GRID2: variants seen among roughly 807,000 people sequenced by gnomAD.
The protein encoded by GRID2 is glutamate receptor ionotropic, delta-2.
In GRID2, 33 loss-of-function variants were observed where a neutral mutation model predicts 114.8. That is an observed-to-expected ratio of 0.29 (90% CI 0.22 to 0.38). GRID2 has a LOEUF of 0.38. Among genes scored for constraint, GRID2 ranks in the 10% least tolerant of loss-of-function variants. The pLI is 1.00. For synonymous variants in GRID2, 505 were observed against 449.9 expected, an observed-to-expected ratio of 1.12 and a Z score of -1.55; for missense variants, 1,184 against 1,257.7, an observed-to-expected ratio of 0.94 and a Z score of 0.89.
chr4:92,943,766 G>C (rs1578554790), intron 2 of GRID2, among the ~76,000 whole-genome samples: 1 of 152,132 alleles, frequency 6.6e-6, no homozygotes, highest in African/African-American at 2.4e-5. Context: ...TGGTGTGGAT[G>C]TCATTTTTGT....
chr4:92,458,958 G>A (rs1339115712), intron 1 of GRID2, among the ~76,000 whole-genome samples: 1 of 152,158 alleles, frequency 6.6e-6, no homozygotes, highest in African/African-American at 2.4e-5. Flanking sequence ...GGAGATGAAT[G>A]CAAGTTGGTT....
chr4:92,856,092 G>T (rs537009704), intron 2 of GRID2, among the ~76,000 whole-genome samples: 2 of 151,944 alleles, frequency 1.3e-5, no homozygotes, highest in Non-Finnish European at 2.9e-5. Flanking sequence ...ATCCTTAATT[G>T]GTTATCTGTA....
rs1311388610 is a variant in GRID2 at position 92,946,531 on chromosome 4, T to C, written c.245-138464T>C. On this transcript the variant is annotated intron_variant, in intron 2 of 15. Transcript: ENST00000282020. ...TATTAATAACTTTTATTTAAGTTGT[T>C]TGTTTTAAACCTGTTCCATTAAAAA... is the stretch of plus-strand genomic sequence containing the variant. 2.6e-5 allele frequency among the ~76,000 whole-genome samples: 4 copies of C among 152,124 alleles called. No individual in the cohort carries two copies. In the East Asian group the frequency reaches 7.7e-4, roughly 29 times the overall value.
chr4:93,761,807 C>T (rs1291245347), intron 14 of GRID2, among the ~76,000 whole-genome samples: 1 of 152,096 alleles, frequency 6.6e-6, no homozygotes, highest in Non-Finnish European at 1.5e-5. Flanking sequence ...ATTTGTTGCA[C>T]TTAATGTTAC....
chr4:92,547,273 A>T (rs547980054), intron 1 of GRID2, among the ~76,000 whole-genome samples: 6 of 152,334 alleles, frequency 3.9e-5, no homozygotes, highest in African/African-American at 1.4e-4. Context: ...TCAGAATAAT[A>T]GAATTAGCTT....
intron 13 of GRID2, among the ~76,000 whole-genome samples, chr4:93,535,965 C>T (rs971414056): frequency 6.6e-6 from 1 of 151,732 alleles, no homozygotes; most frequent in Admixed American, 6.6e-5. Context: ...CCAAAAATAT[C>T]TTAACATAAA....
chr4:93,614,178 G>A (rs929243920), intron 13 of GRID2, among the ~76,000 whole-genome samples: 1 of 152,178 alleles, frequency 6.6e-6, no homozygotes, highest in Non-Finnish European at 1.5e-5. Flanking sequence ...GCTCGCGCAC[G>A]GTGCGTGCAC....
intron 3 of GRID2, among the ~76,000 whole-genome samples, chr4:93,097,140 A>G (rs772831368): frequency 2.6e-5 from 4 of 152,018 alleles, no homozygotes; most frequent in Non-Finnish European, 4.4e-5. Flanking sequence ...TCTGGGGTAG[A>G]TTGTCTGGAA....
intron 2 of GRID2, among the ~76,000 whole-genome samples, chr4:92,835,690 T>C (rs968312448): frequency 1.3e-5 from 2 of 152,174 alleles, no homozygotes; most frequent in Admixed American, 1.3e-4. Context: ...CATTTGAGAA[T>C]AATTAGATAA....
chr4:92,681,762 T>C (rs547490935), intron 2 of GRID2, among the ~76,000 whole-genome samples: 2 of 152,208 alleles, frequency 1.3e-5, no homozygotes, highest in African/African-American at 4.8e-5. Flanking sequence ...AAAAATTAAG[T>C]AACAGAAAAA....
intron 2 of GRID2, among the ~76,000 whole-genome samples, chr4:92,715,065 A>G (rs1411584968): frequency 2.0e-5 from 3 of 152,148 alleles, no homozygotes; most frequent in Non-Finnish European, 4.4e-5. Context: ...TCTTTCCCTT[A>G]TGACATTGAA....
chr4:92,305,079 C>A (rs886284098), intron 1 of GRID2, among the ~76,000 whole-genome samples: 2 of 151,954 alleles, frequency 1.3e-5, no homozygotes, highest in Non-Finnish European at 2.9e-5. Flanking sequence ...CTCTTATCTT[C>A]CATATTTTTT....
intron 4 of GRID2, among the ~76,000 whole-genome samples, chr4:93,184,507 C>G (rs1422604377): frequency 1.3e-5 from 1 of 79,576 alleles, no homozygotes; most frequent in Non-Finnish European, 2.9e-5. Context: ...TATTATTTCT[C>G]AAAAAAAAAA....
chr4:93,089,451 A>G (rs1730592269), intron 3 of GRID2, among the ~76,000 whole-genome samples: 1 of 152,182 alleles, frequency 6.6e-6, no homozygotes, highest in Non-Finnish European at 1.5e-5. Flanking sequence ...AAAAGTAGAA[A>G]TATTGCAACC....
At chr4:93,400,415 T>A (rs988928987) in intron 9 of GRID2, among the ~76,000 whole-genome samples, 1 of 152,082 alleles carries the variant, frequency 6.6e-6, no homozygotes, top group Non-Finnish European at 1.5e-5. Flanking sequence ...TCTTTACTTC[T>A]TACCAAGTGG....
chr4:92,406,752 A>G (rs555964984), intron 1 of GRID2, among the ~76,000 whole-genome samples: 20 of 151,166 alleles, frequency 1.3e-4, no homozygotes, highest in Non-Finnish European at 2.9e-4. Context: ...CCAACCTTAC[A>G]ATTAGGCATT....
chr4:93,148,886 C>A (rs1736487584), intron 4 of GRID2, among the ~76,000 whole-genome samples: 1 of 150,910 alleles, frequency 6.6e-6, no homozygotes, highest in Non-Finnish European at 1.5e-5. Context: ...TATTTAGATT[C>A]TTGGAAAAGA....
At chr4:93,661,067 G>A in intron 14 of GRID2, among the ~76,000 whole-genome samples, 1 of 152,202 alleles carries the variant, frequency 6.6e-6, no homozygotes, top group Admixed American at 6.5e-5. Context: ...CAGGATGAAA[G>A]TTGTCCCCAG....
intron 2 of GRID2, among the ~76,000 whole-genome samples, chr4:92,947,568 A>G (rs1365600755): frequency 1.3e-5 from 2 of 151,884 alleles, no homozygotes; most frequent in Non-Finnish European, 2.9e-5. Flanking sequence ...AACTGACTAT[A>G]TCTTATGCTT....
Sources: gnomAD v4.1 joint callset for allele counts (sites outside exome capture counted in the v4.1 genomes callset) on GRCh38, gnomAD v4.1.1 for gene constraint, MANE v1.5 for transcripts, NCBI Gene and HGNC (gene_info 2026-07-23, HGNC 2026-07-21) for gene names.